The following RCAN2 variants were observed in gnomAD, a reference collection of about 807,000 sequenced individuals.
RCAN2 encodes the protein calcipressin-2.
RCAN2 carries 9 observed loss-of-function variants against 23.6 expected under a neutral mutation model. The ratio of observed to expected loss-of-function variants is 0.38; its 90% CI spans 0.23 to 0.67. RCAN2 has a LOEUF of 0.67. Among genes scored for constraint, RCAN2 ranks in the 30% least tolerant of loss-of-function variants. The pLI is 0.51. For synonymous variants in RCAN2, 109 were observed against 115.7 expected, an observed-to-expected ratio of 0.94 and a Z score of 0.37; for missense variants, 273 against 302.3, an observed-to-expected ratio of 0.90 and a Z score of 0.72.
intron 2 of RCAN2, among the ~76,000 whole-genome samples, chr6:46,379,790 C>T (rs1244903094): frequency 6.6e-6 from 1 of 152,236 alleles, no homozygotes; most frequent in Non-Finnish European, 1.5e-5. Flanking sequence ...GTGTGAATGT[C>T]GTTATTGATG....
intron 2 of RCAN2, 73 bp from the exon 3 acceptor site, chr6:46,248,969 A>G: frequency 9.5e-7 from 1 of 1,048,878 alleles, no homozygotes; most frequent in Non-Finnish European, 1.4e-6. Flanking sequence ...ATCTGATAAA[A>G]ACAAACAACT....
intron 1 of RCAN2, among the ~76,000 whole-genome samples, chr6:46,488,600 C>T (rs556752298): frequency 6.6e-6 from 1 of 152,234 alleles, no homozygotes; most frequent in South Asian, 2.1e-4. Flanking sequence ...AAGGTTAGCA[C>T]CAGAAATGAA....
At chr6:46,479,328 C>T (rs1419726327) in intron 1 of RCAN2, among the ~76,000 whole-genome samples, 1 of 152,182 alleles carries the variant, frequency 6.6e-6, no homozygotes, top group Non-Finnish European at 1.5e-5. Context: ...TACTTAAATA[C>T]ATACAAACAT....
chr6:46,317,745 G>A (rs1412212197), intron 2 of RCAN2, among the ~76,000 whole-genome samples: 2 of 152,182 alleles, frequency 1.3e-5, no homozygotes, highest in Non-Finnish European at 2.9e-5. Context: ...GATTACAGGC[G>A]TAAGGCACCG....
intron 2 of RCAN2, among the ~76,000 whole-genome samples, chr6:46,371,119 C>T (rs1765308846): frequency 1.3e-5 from 2 of 152,038 alleles, no homozygotes; most frequent in Non-Finnish European, 2.9e-5. Context: ...TCTCAAAGGA[C>T]CTATGACTTA....
chr6:46,479,154 T>A (rs1194797112), intron 1 of RCAN2, among the ~76,000 whole-genome samples: 2 of 152,244 alleles, frequency 1.3e-5, no homozygotes, highest in African/African-American at 4.8e-5. Flanking sequence ...AGACCCCTGA[T>A]GGGTGTGAAA....
chr6:46,477,995 C>G (rs1310965242), intron 1 of RCAN2, among the ~76,000 whole-genome samples: 1 of 152,184 alleles, frequency 6.6e-6, no homozygotes, highest in Non-Finnish European at 1.5e-5. Flanking sequence ...TAGTCTTTAA[C>G]TAAGAATAGC....
intron 2 of RCAN2, among the ~76,000 whole-genome samples, chr6:46,405,760 C>A (rs545152770): frequency 6.6e-6 from 1 of 152,238 alleles, no homozygotes; most frequent in Non-Finnish European, 1.5e-5. Context: ...CCGCACCGTG[C>A]GCTCGCACTC....
rs114929395 is a variant in RCAN2 at position 46,472,659 on chromosome 6, A to T, written c.-2-15681T>A. Among the ~76,000 whole-genome samples the T allele has an allele frequency of 1.0e-3, 154 of 152,296 alleles. 1 individual carries two copies. The highest frequency in any genetic ancestry group is 3.6e-3 in the African/African-American group (150 of 41,570). On this transcript the variant is annotated intron_variant, in intron 1 of 4. Transcript: ENST00000371374. ...CTCTCTTTCCAACCTGCAAATGCAG[A>T]TTGTCTACCTTGTTCACATTGTATC...
chr6:46,278,494 AT>A (rs1398775768), intron 2 of RCAN2, among the ~76,000 whole-genome samples: 1 of 152,200 alleles, frequency 6.6e-6, no homozygotes, highest in African/African-American at 2.4e-5. Flanking sequence ...ATTTACTAAA[AT>A]CAAGGACATT....
At chr6:46,450,239 T>C (rs1767836638) in intron 2 of RCAN2, among the ~76,000 whole-genome samples, 1 of 151,974 alleles carries the variant, frequency 6.6e-6, no homozygotes, top group African/African-American at 2.4e-5. Context: ...ATGCAAATTA[T>C]ACCGCAATGA....
At chr6:46,353,714 A>G (rs1033801235) in intron 2 of RCAN2, among the ~76,000 whole-genome samples, 1 of 152,210 alleles carries the variant, frequency 6.6e-6, no homozygotes, top group Non-Finnish European at 1.5e-5. Context: ...AAGAGGAAAA[A>G]GTATGGAAAC....
chr6:46,398,900 G>T (rs945919376), intron 2 of RCAN2, among the ~76,000 whole-genome samples: 2 of 149,442 alleles, frequency 1.3e-5, no homozygotes, highest in African/African-American at 5.0e-5. Context: ...AATTTGTTTT[G>T]GTCTTTTATA....
chr6:46,430,684 T>G (rs945217065), intron 2 of RCAN2, among the ~76,000 whole-genome samples: 2 of 152,222 alleles, frequency 1.3e-5, no homozygotes, highest in Non-Finnish European at 2.9e-5. Context: ...CTTTTATACA[T>G]TCTCACTGAG....
At chr6:46,339,014 C>CAAAAAAAAAAAAAA (rs3997300) in intron 2 of RCAN2, among the ~76,000 whole-genome samples, 15 of 47,090 alleles carry the variant, frequency 3.2e-4, no homozygotes, top group East Asian at 1.2e-3. Flanking sequence ...GACCCTGTCT[C>CAAAAAAAAAAAAAA]AAAAAAAAAA....
chr6:46,425,850 T>C (rs1447126990), intron 2 of RCAN2, among the ~76,000 whole-genome samples: 2 of 152,024 alleles, frequency 1.3e-5, no homozygotes, highest in African/African-American at 2.4e-5. Context: ...GCAATAGCTT[T>C]AACTCTGGAA....
At chr6:46,469,809 C>T (rs1768503921) in intron 1 of RCAN2, among the ~76,000 whole-genome samples, 1 of 152,170 alleles carries the variant, frequency 6.6e-6, no homozygotes, top group South Asian at 2.1e-4. Flanking sequence ...GTCAAAAGGG[C>T]TTCTCCCCTT....
intron 2 of RCAN2, among the ~76,000 whole-genome samples, chr6:46,444,252 C>G (rs185320311): frequency 9.9e-5 from 15 of 152,230 alleles, no homozygotes; most frequent in African/African-American, 3.6e-4. Flanking sequence ...AGGAGGCTCT[C>G]CTATAGACCC....
chr6:46,329,663 G>A (rs1045525554), intron 2 of RCAN2, among the ~76,000 whole-genome samples: 4 of 152,098 alleles, frequency 2.6e-5, no homozygotes, highest in African/African-American at 4.8e-5. Flanking sequence ...TGGTGAGTTC[G>A]GTGATAACCT....
Sources: allele counts gnomAD v4.1 joint callset (sites outside exome capture counted in the v4.1 genomes callset), GRCh38; gene constraint gnomAD v4.1.1; transcripts MANE v1.5; gene names NCBI Gene and HGNC (gene_info 2026-07-23, HGNC 2026-07-21).